Variants in NAV3 observed in about 807,000 individuals in gnomAD.
The protein encoded by NAV3 is pore membrane and/or filament interacting like protein 1.
NAV3 carries 87 observed loss-of-function variants against 244.7 expected under a neutral mutation model. The observed-to-expected ratio is 0.36, with a 90% confidence interval of 0.30 to 0.42. The LOEUF is 0.42. Ranked by LOEUF, NAV3 falls within the 20% of genes least tolerant of loss-of-function variation. The pLI is 1.00. For synonymous variants in NAV3, 1,126 were observed against 1,042.2 expected, an observed-to-expected ratio of 1.08 and a Z score of -1.55; for missense variants, 2,663 against 2,893.3, an observed-to-expected ratio of 0.92 and a Z score of 1.83.
At chr12:78,021,032 A>G (rs1312928837) in intron 8 of NAV3, among the ~76,000 whole-genome samples, 1 of 152,176 alleles carries the variant, frequency 6.6e-6, no homozygotes, top group African/African-American at 2.4e-5. Context: ...ATATCTTAAA[A>G]TATTTACCCA....
chr12:77,709,555 A>G (rs1449233334), intron 2 of NAV3, among the ~76,000 whole-genome samples: 1 of 152,212 alleles, frequency 6.6e-6, no homozygotes, highest in Admixed American at 6.5e-5. Flanking sequence ...ATATGAAGGA[A>G]TCATATCAAA....
upstream of NAV3, among the ~76,000 whole-genome samples, chr12:77,828,887 C>A (rs1414613650): frequency 6.6e-6 from 1 of 152,054 alleles, no homozygotes; most frequent in Non-Finnish European, 1.5e-5. Context: ...TTCCAAAATA[C>A]CAATGAGCTC....
chr12:78,059,058 C>G lies in NAV3; in HGVS notation c.2579C>G (p.Ala860Gly), dbSNP rs1251135922. ...TRSLNRIPDTATSRDIIQRGV... is the reference protein window; with the variant it reads ...TRSLNRIPDTGTSRDIIQRGV... ...AGTCTGAACCGAATACCAGACACAG[C>G]AACTTCCCGGGACATCATCCAGAGA... Residue 860 changes from alanine to glycine, a missense_variant, in exon 12 of 40, where the codon GCA (alanine) becomes GGA (glycine). Coordinates refer to ENST00000397909, the MANE Select transcript of NAV3 (RefSeq NM_001024383.2). 6.2e-7 allele frequency: 1 copy of G among 1,612,330 alleles called. No individual in the cohort carries two copies. The highest frequency in any genetic ancestry group is 8.5e-7 in the Non-Finnish European group (1 of 1,179,028).
chr12:78,039,259 T>C (rs1880442843), intron 9 of NAV3, among the ~76,000 whole-genome samples: 1 of 152,148 alleles, frequency 6.6e-6, no homozygotes. Context: ...TACCACGTGC[T>C]TCAATAGGTT....
intron 2 of NAV3, among the ~76,000 whole-genome samples, chr12:77,686,356 A>G (rs814286): frequency 0.92 from 138,522 of 151,338 alleles, 63,709 homozygotes; most frequent in East Asian, 1. Context: ...GCCTCCCAGA[A>G]TGCTAGGATT....
intron 1 of NAV3, among the ~76,000 whole-genome samples, chr12:77,898,889 A>G (rs1278759916): frequency 6.6e-6 from 1 of 152,202 alleles, no homozygotes; most frequent in Admixed American, 6.5e-5. Context: ...GTGATTCATG[A>G]AAGGATGTCA....
At chr12:77,773,677 A>G (rs368159759) in intron 2 of NAV3, among the ~76,000 whole-genome samples, 2 of 152,322 alleles carry the variant, frequency 1.3e-5, no homozygotes, top group African/African-American at 4.8e-5. Context: ...ATTGAGGAGT[A>G]TGGGGATTAC....
chr12:77,826,703 T>C (rs1334030356), upstream of NAV3, among the ~76,000 whole-genome samples: 2 of 152,306 alleles, frequency 1.3e-5, no homozygotes, highest in Admixed American at 6.5e-5. Context: ...TACTGAATGA[T>C]TTCATTTCTA....
chr12:77,976,674 C>CTTTTTTTTTTTTTTTTTTTT (rs869041498), intron 5 of NAV3, among the ~76,000 whole-genome samples: 4 of 83,430 alleles, frequency 4.8e-5, no homozygotes, highest in East Asian at 4.0e-4. Flanking sequence ...TTCTTTTTTT[C>CTTTTTTTTTTTTTTTTTTTT]TTTTTTTTTT....
At chr12:77,611,198 C>T (rs1870897962) in intron 2 of NAV3, among the ~76,000 whole-genome samples, 1 of 151,944 alleles carries the variant, frequency 6.6e-6, no homozygotes, top group African/African-American at 2.4e-5. Context: ...CTCTGTAAGT[C>T]AGTGCTTCCT....
chr12:78,158,406 A>G (rs928887617), intron 22 of NAV3, among the ~76,000 whole-genome samples: 7 of 152,132 alleles, frequency 4.6e-5, no homozygotes, highest in African/African-American at 1.2e-4. Flanking sequence ...GGGCATGCAA[A>G]TGGAAACTGG....
At chr12:77,662,261 C>CTATCTATT (rs1443041316) in intron 2 of NAV3, among the ~76,000 whole-genome samples, 1 of 151,646 alleles carries the variant, frequency 6.6e-6, no homozygotes. Context: ...ATCTATCTAT[C>CTATCTATT]TATATCTCAC....
chr12:77,669,240 G>A (rs189274987), intron 2 of NAV3, among the ~76,000 whole-genome samples: 18 of 152,018 alleles, frequency 1.2e-4, no homozygotes, highest in Admixed American at 7.2e-4. Context: ...CACCAAAATC[G>A]GACCTCCTTA....
chr12:78,071,366 T>A (rs560844382), intron 12 of NAV3, among the ~76,000 whole-genome samples: 5 of 152,230 alleles, frequency 3.3e-5, no homozygotes, highest in Non-Finnish European at 5.9e-5. Context: ...GAGAAGTGTC[T>A]GTTCATGTCC....
intron 2 of NAV3, among the ~76,000 whole-genome samples, chr12:77,824,921 CAACAAAG>C (rs1300890713): frequency 6.8e-6 from 1 of 146,110 alleles, no homozygotes; most frequent in African/African-American, 2.5e-5. Context: ...ACAACAACAA[CAACAAAG>C]AAAATCAAAT....
chr12:77,651,479 A>G (rs954491772), intron 2 of NAV3, among the ~76,000 whole-genome samples: 3 of 152,126 alleles, frequency 2.0e-5, no homozygotes, highest in African/African-American at 4.8e-5. Flanking sequence ...TAGATCATTT[A>G]ATAGCCACAG....
intron 2 of NAV3, among the ~76,000 whole-genome samples, chr12:77,788,828 A>G (rs533442778): frequency 2.0e-5 from 3 of 152,260 alleles, no homozygotes; most frequent in African/African-American, 7.2e-5. Context: ...ACAAGACAAA[A>G]TAAAAACAGA....
rs1423791402 is a variant in NAV3, at chr12:77,657,816, T to C, written c.72+85550T>C. Among the ~76,000 whole-genome samples, 5 of 152,182 alleles carry C rather than the reference T, an allele frequency of 3.3e-5. No homozygotes were observed. In the East Asian group the frequency reaches 5.8e-4, roughly 18 times the overall value. On this transcript the variant is annotated intron_variant, in intron 2 of 8. Transcript: ENST00000550042. ...GGCTGGTTCAATATATGCAAATCAA[T>C]AAATGTAATCCAGCATATAAACAGA...
At chr12:77,781,888 C>T (rs1042391480) in intron 2 of NAV3, among the ~76,000 whole-genome samples, 7 of 152,054 alleles carry the variant, frequency 4.6e-5, no homozygotes, top group Non-Finnish European at 1.0e-4. Context: ...AACAAGTTTT[C>T]TGTAATATAA....
Sources: allele counts gnomAD v4.1 joint callset (sites outside exome capture counted in the v4.1 genomes callset), GRCh38; gene constraint gnomAD v4.1.1; transcripts MANE v1.5; gene names NCBI Gene and HGNC (gene_info 2026-07-23, HGNC 2026-07-21).